PLAUR: variants seen among roughly 807,000 people sequenced by gnomAD.
PLAUR encodes urokinase plasminogen activator surface receptor.
PLAUR carries 22 observed loss-of-function variants against 33.4 expected under a neutral mutation model. The observed-to-expected ratio is 0.66, with a 90% CI of 0.47 to 0.94. The LOEUF (loss-of-function observed/expected upper bound fraction) is 0.94, where lower values mean the gene tolerates loss of function less well. PLAUR is among the 40% of genes least tolerant of loss of function. The pLI is 0.00. For missense variants in PLAUR, 408 were observed against 434.7 expected, an observed-to-expected ratio of 0.94 and a Z score of 0.55; for synonymous variants, 148 against 167.3, an observed-to-expected ratio of 0.88 and a Z score of 0.89.
At chr19:43,646,321 A>G, downstream of PLAUR, 1 of 612,592 alleles carries the variant, frequency 1.6e-6, no homozygotes. Flanking sequence ...CTAGGAAACT[A>G]ATATAGCCAA....
At chr19:43,659,050 C>T (rs949415582) in intron 3 of PLAUR, among the ~76,000 whole-genome samples, 1 of 152,196 alleles carries the variant, frequency 6.6e-6, no homozygotes, top group East Asian at 1.9e-4. Flanking sequence ...CTCCCACTGC[C>T]CCTTGAATTC....
At chr19:43,670,013 C>A (rs1210748788) in intron 1 of PLAUR, 53 bp downstream of exon 1, 3 of 1,557,836 alleles carry the variant, frequency 1.9e-6, no homozygotes, top group Non-Finnish European at 2.6e-6. Flanking sequence ...CAACCCCCAA[C>A]CCCCTCAATT....
In PLAUR at chr19:43,667,592, C is replaced by A. The variant is rs201262952; in HGVS notation, c.155G>T (p.Arg52Leu). The change falls in exon 2 of 7, where the codon CGC becomes CTC. Residue 52 changes from arginine (R) to leucine (L), a missense_variant. Transcript: ENST00000340093. ...GQDLCRTTIV[R>L]LWEEGEELEL... ...GGGGGGAAGCTCACCTTCCCACAAG[C>A]GCACGATCGTGGTCCTGCAGAGGTC... The A allele has an allele frequency of 1.9e-6, 3 of 1,612,486 alleles. No homozygotes were observed. The highest frequency in any genetic ancestry group is 2.5e-6 in the Non-Finnish European group (3 of 1,178,736).
chr19:43,668,243 C>G, intron 1 of PLAUR: 1 of 987,518 alleles, frequency 1.0e-6, no homozygotes, highest in Non-Finnish European at 1.2e-6. Flanking sequence ...AGGCCCGGCC[C>G]CATCAGCCCT....
rs1967326102 is a variant in PLAUR, at chr19:43,667,810, T to G, written c.56-119A>C. Reference sequence around the variant, plus strand: ...TCCAGGCCCCGTCCATTCAGATTCGTGTCCATGTTCTGCTGGGTTCCGGCC... The same window carrying G: ...TCCAGGCCCCGTCCATTCAGATTCGGGTCCATGTTCTGCTGGGTTCCGGCC... On this transcript the variant is annotated intron_variant, in intron 1 of 6. Coordinates refer to ENST00000340093, the MANE Select transcript of PLAUR (RefSeq NM_002659.4). 2.7e-6 allele frequency: 4 copies of G among 1,487,744 alleles called. No homozygotes were observed. In the East Asian group the frequency reaches 1.0e-4, roughly 37 times the overall value. 92.2% of individuals were successfully genotyped at this position (1,487,744 alleles called of 1,614,324 possible). A position where few individuals can be genotyped will look rare whatever the true frequency, so the allele number is the denominator to read the frequency against.
At chr19:43,665,124 G>A in intron 3 of PLAUR, 192 bp downstream of exon 3, 1 of 603,740 alleles carries the variant, frequency 1.7e-6, no homozygotes, top group Admixed American at 2.7e-5. Context: ...AAGTTGAGTT[G>A]GGGTTGGATA....
At chr19:43,650,304 TG>T (rs1836749884) in intron 6 of PLAUR, among the ~76,000 whole-genome samples, 1 of 150,982 alleles carries the variant, frequency 6.6e-6, no homozygotes, top group South Asian at 2.1e-4. Context: ...CCACCGCGCC[TG>T]GCTGGTTTTT....
At chr19:43,659,707 C>CCGGG (rs1336405896) in intron 3 of PLAUR, among the ~76,000 whole-genome samples, 1 of 152,162 alleles carries the variant, frequency 6.6e-6, no homozygotes, top group African/African-American at 2.4e-5. Flanking sequence ...CCAAGGCGGC[C>CCGGG]CCATCCAGTC....
intron 6 of PLAUR, among the ~76,000 whole-genome samples, 167 bp from the exon 7 acceptor site, chr19:43,649,310 C>A (rs1174381315): frequency 6.6e-6 from 1 of 151,966 alleles, no homozygotes; most frequent in African/African-American, 2.4e-5. Flanking sequence ...ATCTCAACAC[C>A]TTGGGAAGCC....
intron 2 of PLAUR, 151 bp downstream of exon 2, chr19:43,667,430 T>C: frequency 1.1e-5 from 7 of 630,222 alleles, no homozygotes; most frequent in Non-Finnish European, 2.0e-5. Flanking sequence ...TGTCAGATTT[T>C]TAAATGCTTG....
chr19:43,669,933 C>G, intron 1 of PLAUR, 133 bp downstream of exon 1: 1 of 839,622 alleles, frequency 1.2e-6, no homozygotes, highest in Non-Finnish European at 1.9e-6. Context: ...GCACAAAGCA[C>G]GAGAATTACT....
At chr19:43,648,084 G>A (rs1973854180), downstream of PLAUR, among the ~76,000 whole-genome samples, 1 of 152,030 alleles carries the variant, frequency 6.6e-6, no homozygotes, top group Non-Finnish European at 1.5e-5. Context: ...CTGGGGGTTG[G>A]CATGTTTCTG....
In PLAUR at chr19:43,649,135, T is replaced by C; in HGVS notation, c.763A>G (p.Asn255Asp). The C allele has an allele frequency of 6.2e-7, 1 of 1,605,398 alleles. No individual in the cohort carries two copies. Among genetic ancestry groups the C allele is most frequent in the Non-Finnish European group, 8.5e-7 (1 of 1,172,632 alleles). Residue 255 changes from asparagine (N) to aspartate (D), a missense_variant, in exon 7 of 7, where the codon AAC (asparagine) becomes GAC (aspartate). Physicochemically the swap from Asn to Asp is conservative, Grantham distance 23. Transcript: ENST00000340093. ...CAGCCTCTTACCATATAGCTTTGGT[T>C]TTTCGGTTCTGAGGAAAGAGAAGAC... Reference protein sequence around the residue: ...LVATGTHEPKNQSYMVRGCAT... With the variant: ...LVATGTHEPKDQSYMVRGCAT...
At position 43,649,029 on chromosome 19, in the gene PLAUR, T is replaced by C. The variant is rs1238963773; in HGVS notation, c.869A>G (p.Lys290Arg). The change falls in exon 7 of 7, where the codon AAA (lysine) becomes AGA (arginine). Residue 290 changes from lysine (K) to arginine (R), a missense_variant. Coordinates refer to ENST00000340093, the MANE Select transcript of PLAUR (RefSeq NM_002659.4). ...CAGGTCTGGGTGGTTACAGCCACTT[T>C]TAGTACAGCAGGAGACATCAATGTG... ...MNHIDVSCCT[K>R]SGCNHPDLDV... 1 of 1,614,170 alleles carries C rather than the reference T, an allele frequency of 6.2e-7. No homozygotes were observed. Among genetic ancestry groups the C allele is most frequent in the East Asian group, 2.2e-5 (1 of 44,870 alleles).
At chr19:43,668,769 G>A (rs531241676) in intron 1 of PLAUR, among the ~76,000 whole-genome samples, 64 of 150,974 alleles carry the variant, frequency 4.2e-4, no homozygotes, top group African/African-American at 1.5e-3. Flanking sequence ...TCCTCCCGAG[G>A]TTATAACTCC....
chr19:43,668,956 G>T (rs776885546), intron 1 of PLAUR, among the ~76,000 whole-genome samples: 10 of 152,104 alleles, frequency 6.6e-5, no homozygotes, highest in Non-Finnish European at 1.3e-4. Context: ...TCCGCCCCGA[G>T]ATTGCAGCCC....
At chr19:43,664,718 G>A (rs1171858633) in intron 3 of PLAUR, among the ~76,000 whole-genome samples, 1 of 152,066 alleles carries the variant, frequency 6.6e-6, no homozygotes, top group Non-Finnish European at 1.5e-5. Context: ...CCCCTCTTTC[G>A]ACTTCCCTTA....
At chr19:43,656,898 C>A (rs4251876) in intron 3 of PLAUR, 19,052 of 335,564 alleles carry the variant, frequency 0.057, 705 homozygotes, top group Middle Eastern at 0.13. Context: ...CCCCTACTCA[C>A]CCCAGTGCAG....
At chr19:43,656,774 C>G in intron 3 of PLAUR, 134 bp from the exon 4 acceptor site, 7 of 690,256 alleles carry the variant, frequency 1.0e-5, no homozygotes, top group Non-Finnish European at 1.6e-5. Flanking sequence ...CCTATTCTGC[C>G]TGCTGAATCT....
Sources: allele counts gnomAD v4.1 joint callset (sites outside exome capture counted in the v4.1 genomes callset), GRCh38; gene constraint gnomAD v4.1.1; transcripts MANE v1.5; gene names NCBI Gene and HGNC (gene_info 2026-07-23, HGNC 2026-07-21).